The following NTRK3 variants were observed in gnomAD, a reference collection of about 807,000 sequenced individuals.
NTRK3 encodes neurotrophic receptor tyrosine kinase 3.
NTRK3 carries 24 observed loss-of-function variants against 91.7 expected under a neutral mutation model. That is an observed-to-expected ratio of 0.26 (90% CI 0.19 to 0.37). NTRK3 has a LOEUF of 0.37. NTRK3 is among the 10% of genes least tolerant of loss of function. The pLI is 1.00. For missense variants in NTRK3, 880 were observed against 1,068.9 expected, an observed-to-expected ratio of 0.82 and a Z score of 2.46; for synonymous variants, 483 against 404.0, an observed-to-expected ratio of 1.20 and a Z score of -2.34.
intron 17 of NTRK3, among the ~76,000 whole-genome samples, chr15:87,924,726 G>A (rs545521575): frequency 6.6e-6 from 1 of 152,210 alleles, no homozygotes; most frequent in Admixed American, 6.5e-5. Flanking sequence ...TCTTGGTCTG[G>A]AATGACCTAT....
chr15:88,123,966 C>G (rs1434074656), intron 13 of NTRK3, among the ~76,000 whole-genome samples: 1 of 152,124 alleles, frequency 6.6e-6, no homozygotes, highest in Non-Finnish European at 1.5e-5. Context: ...TGTATGGCTC[C>G]CTGCTTCCCA....
intron 17 of NTRK3, among the ~76,000 whole-genome samples, chr15:87,907,791 T>G (rs2066860662): frequency 6.6e-6 from 1 of 152,184 alleles, no homozygotes. Context: ...CAATACAGTC[T>G]GATGATCAAG....
At chr15:88,029,761 G>T (rs1362555914) in intron 14 of NTRK3, among the ~76,000 whole-genome samples, 1 of 152,168 alleles carries the variant, frequency 6.6e-6, no homozygotes, top group Admixed American at 6.5e-5. Context: ...ATGCCAAGAT[G>T]CATGTGGCTT....
At chr15:87,880,357 T>C (rs1233268283) in exon 18 of NTRK3, 1 of 1,614,172 alleles carries the variant, frequency 6.2e-7, no homozygotes, top group South Asian at 1.1e-5. Context: ...CATCACTCTC[T>C]GTAGTGAACT....
intron 13 of NTRK3, among the ~76,000 whole-genome samples, chr15:88,086,387 C>A (rs1373442922): frequency 6.6e-6 from 1 of 152,018 alleles, no homozygotes; most frequent in East Asian, 1.9e-4. Flanking sequence ...TTTCAAGGAC[C>A]TACCATGAGC....
chr15:87,949,765 G>A lies in NTRK3; in HGVS notation c.1586-9012C>T, dbSNP rs180874773. Among the ~76,000 whole-genome samples the A allele has an allele frequency of 9.9e-5, 15 of 152,216 alleles. No homozygotes were observed. In the East Asian group the frequency reaches 2.7e-3, roughly 28 times the overall value. On this transcript the variant is annotated intron_variant, in intron 14 of 18. Coordinates refer to ENST00000394480, the Ensembl canonical transcript of NTRK3. ...TCTCTATATTCTGTTGGCCTTTCCCGTGGCAAGAGTGCCTCTGGCTCTCAT... is the reference window on the plus strand; with the variant it reads ...TCTCTATATTCTGTTGGCCTTTCCCATGGCAAGAGTGCCTCTGGCTCTCAT...
In NTRK3 at chr15:88,256,346, C is replaced by T. The variant is rs1044147545; in HGVS notation, c.-78G>A. The T allele has an allele frequency of 2.1e-5, 13 of 630,824 alleles. No homozygotes were observed. In the African/African-American group the frequency reaches 2.4e-4, roughly 12 times the overall value. 39.1% of individuals were successfully genotyped at this position (630,824 alleles called of 1,614,324 possible). ...GCGTCTGAAACCATCGCGGACGCCG[C>T]CGCCGCCGCCGCCGCCGCCGGGTGG... On this transcript the variant is annotated 5_prime_UTR_variant, in exon 2 of 19. Transcript: ENST00000394480.
intron 14 of NTRK3, among the ~76,000 whole-genome samples, chr15:87,944,621 T>C (rs1002548286): frequency 3.3e-5 from 5 of 152,206 alleles, no homozygotes; most frequent in African/African-American, 1.2e-4. Flanking sequence ...CTTCCCAGCT[T>C]TACGGCCACT....
At chr15:87,936,675 AAC>A (rs1337594670) in intron 15 of NTRK3, among the ~76,000 whole-genome samples, 1 of 151,996 alleles carries the variant, frequency 6.6e-6, no homozygotes, top group African/African-American at 2.4e-5. Context: ...TAAGTGGTAA[AAC>A]ACACACACGC....
At chr15:87,910,777 A>G (rs1350882394) in intron 17 of NTRK3, among the ~76,000 whole-genome samples, 1 of 152,228 alleles carries the variant, frequency 6.6e-6, no homozygotes, top group African/African-American at 2.4e-5. Context: ...GAGGCATTCA[A>G]CAAGAATACT....
At chr15:88,246,706 T>C (rs2052860416) in intron 3 of NTRK3, among the ~76,000 whole-genome samples, 1 of 152,172 alleles carries the variant, frequency 6.6e-6, no homozygotes, top group South Asian at 2.1e-4. Flanking sequence ...CTCCATCCAA[T>C]GCACTCGCCC....
At chr15:87,958,956 T>C (rs1596406363) in intron 14 of NTRK3, among the ~76,000 whole-genome samples, 1 of 152,256 alleles carries the variant, frequency 6.6e-6, no homozygotes, top group African/African-American at 2.4e-5. Flanking sequence ...TGATTCTGCC[T>C]AGCCCTCTGA....
intron 15 of NTRK3, among the ~76,000 whole-genome samples, chr15:87,934,353 G>T (rs914290716): frequency 6.6e-6 from 1 of 152,154 alleles, no homozygotes; most frequent in Non-Finnish European, 1.5e-5. Flanking sequence ...TGTAATATTG[G>T]CTCACCATTT....
chr15:88,066,072 C>G (rs947376641), intron 13 of NTRK3, among the ~76,000 whole-genome samples: 1 of 152,196 alleles, frequency 6.6e-6, no homozygotes, highest in Non-Finnish European at 1.5e-5. Context: ...AAAGCAGCAA[C>G]TATCTGGGTT....
chr15:87,912,395 C>T (rs1017033411), intron 17 of NTRK3, among the ~76,000 whole-genome samples: 1 of 152,186 alleles, frequency 6.6e-6, no homozygotes, highest in East Asian at 1.9e-4. Context: ...TTAACCAGAA[C>T]ACCAAACCCA....
At chr15:87,938,382 C>CA (rs2069498127) in intron 15 of NTRK3, among the ~76,000 whole-genome samples, 1 of 152,066 alleles carries the variant, frequency 6.6e-6, no homozygotes, top group Non-Finnish European at 1.5e-5. Context: ...AAGGGTCTTG[C>CA]AAAAAGAAGT....
At chr15:88,152,294 T>G (rs2043456805) in intron 5 of NTRK3, among the ~76,000 whole-genome samples, 1 of 152,064 alleles carries the variant, frequency 6.6e-6, no homozygotes, top group African/African-American at 2.4e-5. Flanking sequence ...AGAGTGAAAC[T>G]CCATCTCAAA....
At chr15:87,979,354 A>G (rs2073998876) in intron 14 of NTRK3, 2 of 1,612,150 alleles carry the variant, frequency 1.2e-6, no homozygotes, top group Non-Finnish European at 1.7e-6. Flanking sequence ...TTTAAAAGCC[A>G]TGACGTCCTT....
chr15:88,187,214 G>A (rs1460643474), intron 3 of NTRK3, among the ~76,000 whole-genome samples: 2 of 152,200 alleles, frequency 1.3e-5, no homozygotes, highest in Non-Finnish European at 2.9e-5. Context: ...GGCAGAGTGT[G>A]GAGGGGAAGG....
Sources: gnomAD v4.1 joint callset for allele counts (sites outside exome capture counted in the v4.1 genomes callset) on GRCh38, gnomAD v4.1.1 for gene constraint, MANE v1.5 for transcripts, NCBI Gene and HGNC (gene_info 2026-07-23, HGNC 2026-07-21) for gene names.